Variants in CMYA5 observed in about 807,000 individuals in gnomAD.
The protein encoded by CMYA5 is cardiomyopathy-associated protein 5.
In CMYA5, 246 loss-of-function variants were observed where a neutral mutation model predicts 318.9. The observed-to-expected ratio is 0.77, with a 90% confidence interval of 0.70 to 0.86. The LOEUF (loss-of-function observed/expected upper bound fraction) is 0.86. CMYA5 is among the 40% of genes least tolerant of loss of function. The pLI, the probability that CMYA5 is intolerant of heterozygous loss-of-function variation, is 0.00. For synonymous variants in CMYA5, 1,641 were observed against 1,729.5 expected (o/e 0.95, Z 1.27); for missense variants, 4,589 against 4,678.2 (o/e 0.98, Z 0.56).
Position 79,738,981 on chromosome 5 carries a change from G to A in CMYA5, c.10216G>A (p.Glu3406Lys), listed in dbSNP as rs1828153026. Reference sequence around the variant, plus strand: ...AGAACCTAAAATCCTGGTCCCACCTGAGCCAAGTGAAGAGAGGCTCCGTAA... The same window carrying A: ...AGAACCTAAAATCCTGGTCCCACCTAAGCCAAGTGAAGAGAGGCTCCGTAA... The part of the protein sequence containing the change: ...LEEPKILVPP[E>K]PSEERLRNSP... The change falls in exon 2 of 13, where the codon GAG (glutamate) becomes AAG (lysine). Residue 3406 changes from glutamate to lysine, a missense_variant. Coordinates refer to ENST00000446378, the MANE Select transcript of CMYA5 (RefSeq NM_153610.5). 6.8e-6 allele frequency: 11 copies of A among 1,613,744 alleles called. No homozygotes were observed. The highest frequency in any genetic ancestry group is 4.4e-5 in the South Asian group (4 of 91,068).
Position 79,735,078 on chromosome 5 carries a change from T to G in CMYA5, c.6313T>G (p.Ser2105Ala), listed in dbSNP as rs751854659. ...TCCTGAAGAGAAGCCATTGGAAGAA[T>G]CAAAAATGGTTCAGTCAAAGGTTAT... is the stretch of plus-strand genomic sequence containing the variant. ...PFPEEKPLEE[S>A]KMVQSKVIDD... The change falls in exon 2 of 13, where the codon TCA (serine) becomes GCA (alanine). Residue 2105 changes from serine (S) to alanine (A), a missense_variant. Ser to Ala is a moderately conservative substitution (Grantham distance 99). Around this residue, in one of 3 missense-constraint regions of CMYA5, gnomAD observed 2,431 missense variants for 2,495.1 expected, o/e 0.97. Transcript: ENST00000446378. 3 of 1,613,640 alleles carry G rather than the reference T, an allele frequency of 1.9e-6. No homozygotes were observed. Among genetic ancestry groups the G allele is most frequent in the East Asian group, 4.5e-5 (2 of 44,860 alleles).
intron 6 of CMYA5, among the ~76,000 whole-genome samples, chr5:79,754,549 G>A (rs1027355696): frequency 1.3e-5 from 2 of 152,148 alleles, no homozygotes; most frequent in South Asian, 2.1e-4. Flanking sequence ...TTCAGAGTCT[G>A]CCCCACAGCG....
rs1359583117 is a variant in CMYA5 at position 79,735,094 on chromosome 5, C to G, written c.6329C>G (p.Ser2110Ter). 5.6e-6 allele frequency: 9 copies of G among 1,613,636 alleles called. No homozygotes were observed. Among genetic ancestry groups the G allele is most frequent in the Non-Finnish European group, 7.6e-6 (9 of 1,179,798 alleles). The change falls in exon 2 of 13, where the codon TCA becomes TGA. Residue 2110 changes from serine to a stop codon, truncating the protein, a stop_gained. Coordinates refer to ENST00000446378, the MANE Select transcript of CMYA5 (RefSeq NM_153610.5). LOFTEE classifies it high-confidence loss of function. The part of the protein sequence containing the change: ...KPLEESKMVQ[S>*]KVIDDADEGK... Reference sequence around the variant, plus strand: ...TTGGAAGAATCAAAAATGGTTCAGTCAAAGGTTATTGATGATGCTGATGAG... The same window carrying G: ...TTGGAAGAATCAAAAATGGTTCAGTGAAAGGTTATTGATGATGCTGATGAG...
chr5:79,798,681 T>A (rs866170871), intron 12 of CMYA5, among the ~76,000 whole-genome samples: 115 of 152,318 alleles, frequency 7.5e-4, no homozygotes, highest in Middle Eastern at 3.4e-3. Flanking sequence ...CAGCACTTCA[T>A]GTCCTTCACA....
At position 79,738,686 on chromosome 5, in the gene CMYA5, A is replaced by T; in HGVS notation, c.9921A>T (p.Ser3307=). ...EQKGVYGEGE[S]VDHVETVGNV... ...AAGGTGTTTATGGGGAAGGAGAATCAGTAGACCATGTGGAGACCGTTGGTA... is the reference window on the plus strand; with the variant it reads ...AAGGTGTTTATGGGGAAGGAGAATCTGTAGACCATGTGGAGACCGTTGGTA... Residue 3307 remains serine, a synonymous_variant, in exon 2 of 13, where the codon TCA becomes TCT. Coordinates refer to ENST00000446378, the MANE Select transcript of CMYA5 (RefSeq NM_153610.5). The T allele has an allele frequency of 6.2e-7, 1 of 1,613,964 alleles. No individual in the cohort carries two copies. Among genetic ancestry groups the T allele is most frequent in the Non-Finnish European group, 8.5e-7 (1 of 1,179,854 alleles).
chr5:79,741,620 C>T (rs1474810007), intron 2 of CMYA5, among the ~76,000 whole-genome samples: 2 of 152,058 alleles, frequency 1.3e-5, no homozygotes, highest in Non-Finnish European at 2.9e-5. Context: ...AAATCTCAGA[C>T]GTCACATGCA....
intron 1 of CMYA5, among the ~76,000 whole-genome samples, chr5:79,695,404 C>T (rs1219307389): frequency 6.6e-6 from 1 of 152,226 alleles, no homozygotes; most frequent in Admixed American, 6.5e-5. Context: ...AACATGTAAT[C>T]AGTGTAAAAC....
rs1176804742 is a variant in CMYA5, at chr5:79,732,349, C to G, written c.3584C>G (p.Ala1195Gly). 2 of 1,613,546 alleles carry G rather than the reference C, an allele frequency of 1.2e-6. No homozygotes were observed. Among genetic ancestry groups the G allele is most frequent in the East Asian group, 2.2e-5 (1 of 44,870 alleles). Residue 1195 changes from alanine to glycine, a missense_variant, in exon 2 of 13, where the codon GCA becomes GGA. By Grantham distance (60) the Ala-to-Gly change is moderately conservative (BLOSUM62 0). Coordinates refer to ENST00000446378, the MANE Select transcript of CMYA5 (RefSeq NM_153610.5). ...EPTAALTLKA[A>G]DEQMALSKVR... ...ACAGCAGCACTCACTCTAAAAGCTGCAGATGAACAGATGGCTTTGTCAAAA... is the reference window on the plus strand; with the variant it reads ...ACAGCAGCACTCACTCTAAAAGCTGGAGATGAACAGATGGCTTTGTCAAAA...
At chr5:79,792,862 G>T (rs1466239679) in intron 11 of CMYA5, among the ~76,000 whole-genome samples, 1 of 152,178 alleles carries the variant, frequency 6.6e-6, no homozygotes, top group Non-Finnish European at 1.5e-5. Flanking sequence ...AGTTCAAAGA[G>T]GCCAGAATCT....
rs771605005 is a variant in CMYA5, at chr5:79,733,313, G to C, written c.4548G>C (p.Leu1516Phe). The change falls in exon 2 of 13, where the codon TTG (leucine) becomes TTC (phenylalanine). Residue 1516 changes from leucine (L) to phenylalanine (F), a missense_variant. Physicochemically the swap from Leu to Phe is conservative, Grantham distance 22 (BLOSUM62 0). This residue lies in a region of CMYA5 where 2,132 missense variants were observed against 2,131.3 expected (regional missense o/e 1.00). Coordinates refer to ENST00000446378, the MANE Select transcript of CMYA5 (RefSeq NM_153610.5). The part of the protein sequence containing the change: ...ERLVSSQKKS[L>F]MSTSEVLEPE... ...TGGTTTCATCACAGAAGAAGAGCTT[G>C]ATGTCTACCTCAGAGGTGTTAGAGC... The C allele has an allele frequency of 2.5e-6, 4 of 1,613,548 alleles. No individual in the cohort carries two copies. The African/African-American group carries it at 5.3e-5, about 22-fold the overall frequency.
chr5:79,749,695 G>C (rs1453086794), intron 5 of CMYA5, among the ~76,000 whole-genome samples: 1 of 152,052 alleles, frequency 6.6e-6, no homozygotes, highest in East Asian at 1.9e-4. Flanking sequence ...CAACATTTAT[G>C]CACACAAACA....
Position 79,732,131 on chromosome 5 carries a change from G to T in CMYA5, c.3366G>T (p.Glu1122Asp). ...KQKTQAYLEP[E>D]SEDLIPSHLT... is the part of the protein sequence containing the mutation. ...AAACTCAAGCATATTTAGAGCCTGA[G>T]TCTGAAGACTTGATTCCTTCACATT... The change falls in exon 2 of 13, where the codon GAG becomes GAT. Residue 1122 changes from glutamate (E) to aspartate (D), a missense_variant. Transcript: ENST00000446378. 1 of 1,613,978 alleles carries T rather than the reference G, an allele frequency of 6.2e-7. No individual in the cohort carries two copies. Among genetic ancestry groups the T allele is most frequent in the African/African-American group, 1.3e-5 (1 of 75,048 alleles).
At chr5:79,785,000 G>A (rs1041283674) in intron 9 of CMYA5, among the ~76,000 whole-genome samples, 2 of 151,540 alleles carry the variant, frequency 1.3e-5, no homozygotes, top group African/African-American at 4.8e-5. Flanking sequence ...AGTAGATTGT[G>A]TGAAGTAGGA....
chr5:79,722,412 C>G (rs991082481), intron 1 of CMYA5, among the ~76,000 whole-genome samples: 1 of 152,070 alleles, frequency 6.6e-6, no homozygotes, highest in African/African-American at 2.4e-5. Context: ...TGCAGTGGCT[C>G]ATGCATGTAA....
chr5:79,738,172 C>T lies in CMYA5; in HGVS notation c.9407C>T (p.Ala3136Val), dbSNP rs367746695. 3.1e-6 allele frequency: 5 copies of T among 1,613,856 alleles called. No individual in the cohort carries two copies. The highest frequency in any genetic ancestry group is 4.2e-6 in the Non-Finnish European group (5 of 1,179,864). Reference sequence around the variant, plus strand: ...CCAGAGACCCAAAGCCAAAACTCAGCTGACAGGAATGTTTCAAAGGACACA... The same window carrying T: ...CCAGAGACCCAAAGCCAAAACTCAGTTGACAGGAATGTTTCAAAGGACACA... ...SHPETQSQNS[A>V]DRNVSKDTKR... is the part of the protein sequence containing the mutation. The change falls in exon 2 of 13, where the codon GCT becomes GTT. Residue 3136 changes from alanine (A) to valine (V), a missense_variant. Physicochemically the swap from Ala to Val is moderately conservative, Grantham distance 64 (BLOSUM62 0). Transcript: ENST00000446378.
intron 1 of CMYA5, among the ~76,000 whole-genome samples, chr5:79,714,431 C>CTTTTTTTTTTT (rs71615553): frequency 9.9e-6 from 1 of 100,678 alleles, no homozygotes; most frequent in Non-Finnish European, 1.9e-5. Context: ...TTTTCTTTTT[C>CTTTTTTTTTTT]TTTTTTTTTT....
In CMYA5 at chr5:79,731,988, C is replaced by A; in HGVS notation, c.3223C>A (p.Leu1075Ile). The change falls in exon 2 of 13, where the codon CTT becomes ATT. Residue 1075 changes from leucine to isoleucine, a missense_variant. Around this residue, in one of 3 missense-constraint regions of CMYA5, gnomAD observed 2,132 missense variants for 2,131.3 expected, o/e 1.00. Transcript: ENST00000446378. ...TGAAACTTTCCCTTTGATGTCTCCG[C>A]TTGAAGACTTAAGTCTGCCGCCTTC... ...KAETFPLMSP[L>I]EDLSLPPSTD... 1 of 1,613,836 alleles carries A rather than the reference C, an allele frequency of 6.2e-7. No homozygotes were observed. Among genetic ancestry groups the A allele is most frequent in the East Asian group, 2.2e-5 (1 of 44,876 alleles).
rs202153279 is a variant in CMYA5, at chr5:79,737,253, G to T, written c.8488G>T (p.Ala2830Ser). The change falls in exon 2 of 13, where the codon GCA (alanine) becomes TCA (serine). Residue 2830 changes from alanine (A) to serine (S), a missense_variant. By Grantham distance (99) the Ala-to-Ser change is moderately conservative. This residue lies in a region of CMYA5 where 2,431 missense variants were observed against 2,495.1 expected (regional missense o/e 0.97). Coordinates refer to ENST00000446378, the MANE Select transcript of CMYA5 (RefSeq NM_153610.5). ...TTCAGGAGCTTCTCCAGAAATTAAC[G>T]CAGTGAAGAAAAAAGAAATGCCACG... ...LASGASPEIN[A>S]VKKKEMPRSE... 15 of 1,613,556 alleles carry T rather than the reference G, an allele frequency of 9.3e-6. No individual in the cohort carries two copies. The highest frequency in any genetic ancestry group is 2.2e-5 in the East Asian group (1 of 44,882).
chr5:79,744,113 C>T (rs979622935), intron 3 of CMYA5, among the ~76,000 whole-genome samples, 191 bp downstream of exon 3: 1 of 152,088 alleles, frequency 6.6e-6, no homozygotes, highest in Non-Finnish European at 1.5e-5. Flanking sequence ...TTCCTTTCTG[C>T]CTATGGATAA....
Sources: gnomAD v4.1 joint callset for allele counts (sites outside exome capture counted in the v4.1 genomes callset) on GRCh38, gnomAD v4.1.1 for gene constraint, gnomAD v4.1.1 regional missense constraint, MANE v1.5 for transcripts, NCBI Gene and HGNC (gene_info 2026-07-23, HGNC 2026-07-21) for gene names.